The following DYM variants were observed in gnomAD, a reference collection of about 807,000 sequenced individuals.
DYM encodes dymeclin.
In DYM, 78 loss-of-function variants were observed where a neutral mutation model predicts 93.1. The observed-to-expected ratio is 0.84, with a 90% CI of 0.70 to 1.01. DYM has a LOEUF of 1.01. DYM is among the 50% of genes least tolerant of loss of function. The pLI is 0.00. For missense variants in DYM, 789 were observed against 845.0 expected (o/e 0.93, Z 0.82); for synonymous variants, 321 against 319.7 (o/e 1.00, Z -0.04).
chr18:49,284,286 G>A (rs1217042339), intron 9 of DYM, among the ~76,000 whole-genome samples: 1 of 152,142 alleles, frequency 6.6e-6, no homozygotes, highest in Non-Finnish European at 1.5e-5. Context: ...CATCAAACAT[G>A]TCATTATTCT....
At chr18:49,044,942 TG>T (rs898115225) in intron 17 of DYM, among the ~76,000 whole-genome samples, 95 of 152,372 alleles carry the variant, frequency 6.2e-4, no homozygotes, top group African/African-American at 2.2e-3. Flanking sequence ...AGGCAGCACT[TG>T]CGTTTTAGCA....
chr18:49,041,148 G>T lies in DYM; in HGVS notation c.*2907C>A, dbSNP rs1479464159. On this transcript the variant is annotated 3_prime_UTR_variant, in exon 18 of 18. Transcript: ENST00000675505. The stretch of plus-strand genomic sequence containing the variant: ...CTGAATGGTGGCAGTCCTGCTGCAA[G>T]GTTGTTGTTCATAGATTGTATGACA... 6.6e-6 allele frequency among the ~76,000 whole-genome samples: 1 copy of T among 152,216 alleles called. No individual in the cohort carries two copies. The highest frequency in any genetic ancestry group is 1.5e-5 in the Non-Finnish European group (1 of 68,050).
chr18:49,059,167 A>G lies in DYM; in HGVS notation c.2026-14963T>C, dbSNP rs537812495. Among the ~76,000 whole-genome samples, 3 of 152,344 alleles carry G rather than the reference A, an allele frequency of 2.0e-5. No individual in the cohort carries two copies. The East Asian group carries it at 5.8e-4, about 29-fold the overall frequency. On this transcript the variant is annotated intron_variant, in intron 17 of 17. Transcript: ENST00000675505. ...AAGGATTATTAGTGTCCTTATAGAAAAGACCACAGCCAGCCAGCTAGTCCC... is the reference window on the plus strand; with the variant it reads ...AAGGATTATTAGTGTCCTTATAGAAGAGACCACAGCCAGCCAGCTAGTCCC...
At chr18:49,380,133 T>G (rs1477803149) in intron 3 of DYM, among the ~76,000 whole-genome samples, 2 of 152,268 alleles carry the variant, frequency 1.3e-5, no homozygotes, top group East Asian at 3.9e-4. Context: ...ATATAGAATA[T>G]AATAAACTAT....
At chr18:49,442,213 G>T (rs1454173493) in intron 1 of DYM, among the ~76,000 whole-genome samples, 1 of 152,106 alleles carries the variant, frequency 6.6e-6, no homozygotes, top group Non-Finnish European at 1.5e-5. Flanking sequence ...AGTCAAAAAT[G>T]ATTAGACTTG....
chr18:49,168,838 C>A (rs925334822), intron 14 of DYM, among the ~76,000 whole-genome samples: 1 of 152,046 alleles, frequency 6.6e-6, no homozygotes, highest in Non-Finnish European at 1.5e-5. Flanking sequence ...GGTTAGAGGA[C>A]TTGCTATTTG....
intron 14 of DYM, among the ~76,000 whole-genome samples, chr18:49,178,700 T>G (rs1320150397): frequency 6.6e-6 from 1 of 152,158 alleles, no homozygotes; most frequent in Non-Finnish European, 1.5e-5. Context: ...TAAACGATAG[T>G]AATCCTCAGA....
rs1007357170 is a variant in DYM at position 49,209,715 on chromosome 18, A to T, written c.1461T>A (p.Ser487Arg). Residue 487 changes from serine (S) to arginine (R), a missense_variant and splice_region_variant, in exon 14 of 18, where the codon AGT becomes AGA. Physicochemically the swap from Ser to Arg is moderately radical, Grantham distance 110. Around this residue, in one of 3 missense-constraint regions of DYM, gnomAD observed 225 missense variants for 303.0 expected, o/e 0.74. Transcript: ENST00000675505. The stretch of plus-strand genomic sequence containing the variant: ...ATCTCCGCAAGTGGCGGCAGGTATA[A>T]CTGAAAGACAAAGGTAAAAGGAGAG... ...LHQYAAQRII[S>R]YTCRHLRRYV... is the part of the protein sequence containing the mutation. 7.9e-6 allele frequency: 10 copies of T among 1,266,822 alleles called. No individual in the cohort carries two copies. Among genetic ancestry groups the T allele is most frequent in the Non-Finnish European group, 8.2e-6 (8 of 975,800 alleles). The allele number at this position is 1,266,822 out of a possible 1,614,324, so 78.5% of individuals were successfully genotyped here. A position where few individuals can be genotyped will look rare whatever the true frequency, so the allele number is the denominator to read the frequency against.
chr18:49,270,254 A>G (rs1184470387), intron 11 of DYM, among the ~76,000 whole-genome samples: 1 of 152,246 alleles, frequency 6.6e-6, no homozygotes, highest in Non-Finnish European at 1.5e-5. Context: ...AATATTATTC[A>G]GCCTTAAAAA....
chr18:49,081,813 C>T, intron 17 of DYM, among the ~76,000 whole-genome samples: 1 of 152,176 alleles, frequency 6.6e-6, no homozygotes, highest in Non-Finnish European at 1.5e-5. Flanking sequence ...AAAGGCTCTG[C>T]TACTTTTCCA....
At chr18:49,317,875 G>A (rs1039968868) in intron 8 of DYM, among the ~76,000 whole-genome samples, 2 of 151,744 alleles carry the variant, frequency 1.3e-5, no homozygotes, top group African/African-American at 4.8e-5. Context: ...CAGGCTCTCT[G>A]CTAATGCACT....
intron 2 of DYM, among the ~76,000 whole-genome samples, chr18:49,403,150 T>C (rs796375040): frequency 2.6e-5 from 4 of 152,300 alleles, no homozygotes; most frequent in African/African-American, 9.6e-5. Flanking sequence ...CACACTTAAA[T>C]TACTAATTTA....
chr18:49,326,889 G>A (rs1384830073), intron 8 of DYM, among the ~76,000 whole-genome samples: 2 of 152,040 alleles, frequency 1.3e-5, no homozygotes, highest in Non-Finnish European at 2.9e-5. Flanking sequence ...GTATACTGTG[G>A]TAGCATAAGC....
At chr18:49,395,363 C>T (rs1341102357) in intron 2 of DYM, among the ~76,000 whole-genome samples, 1 of 152,146 alleles carries the variant, frequency 6.6e-6, no homozygotes, top group Non-Finnish European at 1.5e-5. Flanking sequence ...GGCGCAGTGG[C>T]TCATGCCTAT....
chr18:49,066,515 T>C (rs75864278), intron 17 of DYM, among the ~76,000 whole-genome samples: 1 of 152,188 alleles, frequency 6.6e-6, no homozygotes, highest in African/African-American at 2.4e-5. Context: ...ATTCTACCAC[T>C]GATGGACACT....
chr18:49,104,828 T>A (rs1295222527), intron 16 of DYM, among the ~76,000 whole-genome samples: 1 of 152,202 alleles, frequency 6.6e-6, no homozygotes, highest in Admixed American at 6.5e-5. Flanking sequence ...TTTATCAGGA[T>A]TTTTGCACCA....
Position 49,331,903 on chromosome 18 carries a change from C to T in DYM, c.724G>A (p.Gly242Arg), listed in dbSNP as rs765042805. 2.5e-6 allele frequency: 4 copies of T among 1,614,146 alleles called. No homozygotes were observed. Among genetic ancestry groups the T allele is most frequent in the South Asian group, 1.1e-5 (1 of 91,084 alleles). The change falls in exon 8 of 18, where the codon GGG becomes AGG. Residue 242 changes from glycine to arginine, a missense_variant. Coordinates refer to ENST00000675505, the MANE Select transcript of DYM (RefSeq NM_001353214.3). ...GAHVFPQQSDGGGLLYGLASG... is the reference protein window; with the variant it reads ...GAHVFPQQSDRGGLLYGLASG... The stretch of plus-strand genomic sequence containing the variant: ...GCAAGTCCATAAAGCAGTCCTCCCC[C>T]ATCCGACTGCTGAGGGAAAACATGG...
intron 14 of DYM, among the ~76,000 whole-genome samples, chr18:49,184,231 A>G (rs2090209265): frequency 8.4e-6 from 1 of 119,674 alleles, no homozygotes; most frequent in Admixed American, 8.7e-5. Context: ...AAAAAAACAA[A>G]AAACAAAATT....
intron 9 of DYM, among the ~76,000 whole-genome samples, chr18:49,282,380 C>T (rs2095009255): frequency 6.6e-6 from 1 of 151,946 alleles, no homozygotes; most frequent in African/African-American, 2.4e-5. Flanking sequence ...TTTGGGAGGC[C>T]GAGACAGGTG....
Sources: gnomAD v4.1 joint callset for allele counts (sites outside exome capture counted in the v4.1 genomes callset) on GRCh38, gnomAD v4.1.1 for gene constraint, gnomAD v4.1.1 regional missense constraint, MANE v1.5 for transcripts, NCBI Gene and HGNC (gene_info 2026-07-23, HGNC 2026-07-21) for gene names.